TRAPPC9: variants seen among roughly 807,000 people sequenced by gnomAD.
TRAPPC9 encodes the protein IKK2 binding protein.
A neutral mutation model predicts 124.0 loss-of-function variants in TRAPPC9; 83 were observed. That is an observed-to-expected ratio of 0.67 (90% CI 0.56 to 0.80). The LOEUF (loss-of-function observed/expected upper bound fraction) is 0.80. Among genes scored for constraint, TRAPPC9 ranks in the 30% least tolerant of loss-of-function variants. TRAPPC9 has a pLI of 0.00. For missense variants in TRAPPC9, 1,302 were observed against 1,508.3 expected (o/e 0.86, Z 2.27); for synonymous variants, 638 against 617.5 (o/e 1.03, Z -0.49).
At chr8:139,743,864 T>C (rs1818716063) in intron 21 of TRAPPC9, among the ~76,000 whole-genome samples, 1 of 152,166 alleles carries the variant, frequency 6.6e-6, no homozygotes, top group South Asian at 2.1e-4. Context: ...TGCCCCCCAG[T>C]CCAGCATGTT....
At chr8:140,381,773 C>A (rs1563986959) in intron 7 of TRAPPC9, among the ~76,000 whole-genome samples, 1 of 151,602 alleles carries the variant, frequency 6.6e-6, no homozygotes, top group Admixed American at 6.6e-5. Context: ...TTCACACCCA[C>A]TAGAATGGCT....
chr8:139,822,386 T>A (rs1242144230), intron 21 of TRAPPC9, among the ~76,000 whole-genome samples: 2 of 152,138 alleles, frequency 1.3e-5, no homozygotes. Context: ...GTTGCCCAGG[T>A]GCTCATGTGC....
At chr8:140,037,077 C>T (rs755857223) in intron 17 of TRAPPC9, among the ~76,000 whole-genome samples, 10 of 151,240 alleles carry the variant, frequency 6.6e-5, no homozygotes, top group Non-Finnish European at 1.3e-4. Flanking sequence ...TGCTAATAAA[C>T]ACTTGTCATG....
intron 17 of TRAPPC9, among the ~76,000 whole-genome samples, chr8:140,052,101 A>G (rs1384806979): frequency 1.3e-5 from 2 of 151,962 alleles, no homozygotes; most frequent in Admixed American, 6.6e-5. Flanking sequence ...AGCACAAGGC[A>G]TGGCAAAGAG....
At chr8:140,420,016 T>C (rs1188422413) in intron 5 of TRAPPC9, among the ~76,000 whole-genome samples, 1 of 151,942 alleles carries the variant, frequency 6.6e-6, no homozygotes, top group East Asian at 1.9e-4. Context: ...TTGAAGGATA[T>C]AAAACCAATA....
chr8:140,377,322 G>A (rs1338411838), intron 7 of TRAPPC9, among the ~76,000 whole-genome samples: 1 of 151,682 alleles, frequency 6.6e-6, no homozygotes, highest in African/African-American at 2.4e-5. Flanking sequence ...TTTTGAGACA[G>A]AATTTCACCC....
intron 16 of TRAPPC9, among the ~76,000 whole-genome samples, chr8:140,232,013 A>C (rs2063610142): frequency 6.6e-6 from 1 of 151,950 alleles, no homozygotes; most frequent in Non-Finnish European, 1.5e-5. Context: ...ACCTCAGGTG[A>C]TCCACCTGTC....
chr8:140,298,470 T>A (rs752404515), intron 11 of TRAPPC9, among the ~76,000 whole-genome samples: 10 of 152,102 alleles, frequency 6.6e-5, no homozygotes, highest in Non-Finnish European at 1.3e-4. Flanking sequence ...CTGGGCAACA[T>A]GGCAAAACTC....
chr8:139,797,005 G>C (rs963312170), intron 21 of TRAPPC9, among the ~76,000 whole-genome samples: 1 of 152,194 alleles, frequency 6.6e-6, no homozygotes, highest in African/African-American at 2.4e-5. Flanking sequence ...AATGAATAAT[G>C]CTTGGCATCT....
intron 21 of TRAPPC9, among the ~76,000 whole-genome samples, chr8:139,835,772 CA>C (rs59433008): frequency 0.033 from 4,456 of 134,672 alleles, 165 homozygotes; most frequent in African/African-American, 0.1. Flanking sequence ...GATTAAAAAA[CA>C]AAAAAAAAAA....
chr8:140,157,085 T>TTTTCCATTCAAAAGCCTCCC lies in TRAPPC9; in HGVS notation c.2556+64373_2556+64374insGGGAGGCTTTTGAATGGAAA, dbSNP rs1563804425. 2.7e-4 allele frequency among the ~76,000 whole-genome samples: 12 copies of TTTTCCATTCAAAAGCCTCCC among 44,630 alleles called. 1 individual carries two copies. The highest frequency in any genetic ancestry group is 1.1e-3 in the South Asian group (1 of 880). 29.3% of individuals were successfully genotyped at this position (44,630 alleles called of 152,430 possible). A position where few individuals can be genotyped will look rare whatever the true frequency, so the allele number is the denominator to read the frequency against. On this transcript the variant is annotated intron_variant, in intron 17 of 22. Coordinates refer to ENST00000438773, the MANE Select transcript of TRAPPC9 (RefSeq NM_001160372.4). ...CTCCCTTTCCATTCAAAAGCCTCCC[T>TTTTCCATTCAAAAGCCTCCC]TTTCCATTCAGAAGCCTCCCTTTCC...
At position 140,451,407 on chromosome 8, in the gene TRAPPC9, C is replaced by T. The variant is rs1588383224; in HGVS notation, c.-10-24G>A. ...CCCTGTTCAGAGAGAAGAAATGAGG[C>T]TGTGAGACACAGAGTCCTGAGTGCT... On this transcript the variant is annotated intron_variant, in intron 1 of 22. Transcript: ENST00000438773. The T allele has an allele frequency of 5.1e-6, 8 of 1,583,888 alleles. No individual in the cohort carries two copies. In the East Asian group the frequency reaches 1.8e-4, roughly 35 times the overall value.
intron 18 of TRAPPC9, among the ~76,000 whole-genome samples, chr8:139,994,276 G>A (rs1358898166): frequency 6.6e-6 from 1 of 152,246 alleles, no homozygotes; most frequent in Non-Finnish European, 1.5e-5. Context: ...TGGGCAGCTG[G>A]GGCTCAATCA....
intron 9 of TRAPPC9, among the ~76,000 whole-genome samples, chr8:140,357,373 AGGGCCGT>A (rs1233525206): frequency 1.3e-5 from 2 of 152,156 alleles, no homozygotes; most frequent in Non-Finnish European, 2.9e-5. Flanking sequence ...CGAAGGGCTC[AGGGCCGT>A]GTCACCACAA....
At chr8:139,886,069 C>A in intron 20 of TRAPPC9, 100 bp from the exon 21 acceptor site, 1 of 1,075,558 alleles carries the variant, frequency 9.3e-7, no homozygotes, top group Non-Finnish European at 1.4e-6. Flanking sequence ...AAACCTCCTA[C>A]AGCAGATGTC....
upstream of TRAPPC9, chr8:140,458,183 G>C (rs1405249589): frequency 6.5e-7 from 1 of 1,547,056 alleles, no homozygotes; most frequent in Admixed American, 2.0e-5. Context: ...CGAGGAGGGA[G>C]GGAGGGACCG....
At chr8:140,450,752 A>G (rs771830689) in intron 2 of TRAPPC9, 38 bp downstream of exon 2, 12 of 1,510,714 alleles carry the variant, frequency 7.9e-6, no homozygotes, top group Non-Finnish European at 1.0e-5. Flanking sequence ...TTTCTGATGC[A>G]GGGAAGCCAA....
At chr8:140,333,627 G>A (rs1447253387) in intron 9 of TRAPPC9, among the ~76,000 whole-genome samples, 3 of 152,198 alleles carry the variant, frequency 2.0e-5, no homozygotes, top group African/African-American at 7.2e-5. Flanking sequence ...CTGACCTCAG[G>A]TGATCCACCC....
At chr8:140,011,670 ATTTTTTT>A (rs56884853) in intron 18 of TRAPPC9, among the ~76,000 whole-genome samples, 6 of 62,648 alleles carry the variant, frequency 9.6e-5, no homozygotes, top group African/African-American at 1.9e-4. Context: ...CACCCAGCTA[ATTTTTTT>A]TTTTTTTTTT....
Sources: gnomAD v4.1 joint callset for allele counts (sites outside exome capture counted in the v4.1 genomes callset) on GRCh38, gnomAD v4.1.1 for gene constraint, MANE v1.5 for transcripts, NCBI Gene and HGNC (gene_info 2026-07-23, HGNC 2026-07-21) for gene names.